The following PRSS23 variants were observed in gnomAD, a reference collection of about 807,000 sequenced individuals.
PRSS23 encodes the protein serine protease 23.
In PRSS23, 25 loss-of-function variants were observed where a neutral mutation model predicts 34.7. The observed-to-expected ratio is 0.72, with a 90% CI of 0.53 to 1.01. The LOEUF (loss-of-function observed/expected upper bound fraction) is 1.01. Among genes scored for constraint, PRSS23 ranks in the 50% least tolerant of loss-of-function variants. The probability of loss-of-function intolerance (pLI) is 0.00; values close to 1 mark genes in which losing one functional copy is unlikely to be tolerated. For synonymous variants in PRSS23, 176 were observed against 186.6 expected (o/e 0.94, Z 0.46); for missense variants, 445 against 475.6 (o/e 0.94, Z 0.60).
intron 2 of PRSS23, among the ~76,000 whole-genome samples, chr11:86,890,160 A>G (rs1948831854): frequency 6.6e-6 from 1 of 151,976 alleles, no homozygotes; most frequent in Admixed American, 6.5e-5. Context: ...AATCCTAGCT[A>G]CTCAGAGGCT....
At chr11:86,904,777 G>A (rs760100680) in intron 2 of PRSS23, among the ~76,000 whole-genome samples, 6 of 152,098 alleles carry the variant, frequency 3.9e-5, no homozygotes, top group Non-Finnish European at 7.4e-5. Flanking sequence ...GCCAGATATG[G>A]TGGCTCATGC....
At chr11:86,811,365 C>T (rs1157280850), downstream of PRSS23, 1 of 154,518 alleles carries the variant, frequency 6.5e-6, no homozygotes, top group Non-Finnish European at 1.5e-5. Flanking sequence ...GGTCAGGTGT[C>T]TGTGCCTTTA....
chr11:86,862,087 A>G (rs1054000932), intron 2 of PRSS23, among the ~76,000 whole-genome samples: 2 of 151,772 alleles, frequency 1.3e-5, no homozygotes, highest in Non-Finnish European at 2.9e-5. Context: ...ATTACTCGCA[A>G]TATCGCAGGG....
intron 2 of PRSS23, among the ~76,000 whole-genome samples, chr11:86,902,673 AAGAC>A (rs1296974199): frequency 6.6e-6 from 1 of 152,194 alleles, no homozygotes; most frequent in Admixed American, 6.5e-5. Context: ...TTTTTCTAGA[AAGAC>A]AGTTTAAAAA....
rs930853301 is a variant in PRSS23 at position 86,871,703 on chromosome 11, T to C, written c.206+48110T>C. ...TTGCCTCATATATTTTATTCCATTT[T>C]GTTGTCATTGATAGTGGGAGGAGAA... On this transcript the variant is annotated intron_variant, in intron 2 of 2. Transcript: ENST00000533902. 1.5e-4 allele frequency among the ~76,000 whole-genome samples: 23 copies of C among 152,224 alleles called. 1 individual carries two copies. Among genetic ancestry groups the C allele is most frequent in the Admixed American group, 1.4e-3 (21 of 15,280 alleles).
downstream of PRSS23, among the ~76,000 whole-genome samples, chr11:86,811,736 G>C (rs1354472184): frequency 1.3e-5 from 2 of 152,026 alleles, no homozygotes; most frequent in Non-Finnish European, 2.9e-5. Flanking sequence ...GTGATGCCTG[G>C]ATCATGTATT....
At chr11:86,841,899 A>G (rs1300178130) in intron 2 of PRSS23, among the ~76,000 whole-genome samples, 2 of 152,262 alleles carry the variant, frequency 1.3e-5, no homozygotes, top group South Asian at 2.1e-4. Flanking sequence ...TCCAATCAAC[A>G]GAAAAAGAGA....
intron 2 of PRSS23, among the ~76,000 whole-genome samples, chr11:86,855,560 A>G (rs1305969016): frequency 2.0e-5 from 3 of 152,098 alleles, no homozygotes; most frequent in African/African-American, 7.2e-5. Flanking sequence ...TAGAGGCATG[A>G]TCTTGGCTCA....
chr11:86,823,421 C>T (rs1037766189), exon 2 of PRSS23: 5 of 702,310 alleles, frequency 7.1e-6, no homozygotes, highest in Admixed American at 2.0e-5. Context: ...CCAACCCTGG[C>T]CTAGTCCTCA....
upstream of PRSS23, among the ~76,000 whole-genome samples, chr11:86,796,418 G>A (rs1270915424): frequency 6.6e-6 from 1 of 151,974 alleles, no homozygotes; most frequent in African/African-American, 2.4e-5. Context: ...GAGGCGGGCG[G>A]ATCACGAGGT....
intron 2 of PRSS23, among the ~76,000 whole-genome samples, chr11:86,932,241 T>C (rs898552637): frequency 3.9e-5 from 6 of 152,320 alleles, no homozygotes; most frequent in African/African-American, 1.4e-4. Context: ...GGGCAGGAGC[T>C]GCTTTTGCCA....
intron 2 of PRSS23, among the ~76,000 whole-genome samples, chr11:86,927,451 C>T (rs1949089125): frequency 6.6e-6 from 1 of 152,164 alleles, no homozygotes; most frequent in Non-Finnish European, 1.5e-5. Context: ...TGTAAACTAG[C>T]CCAACAGTAA....
At chr11:86,924,071 G>T (rs112729009) in intron 2 of PRSS23, among the ~76,000 whole-genome samples, 100 of 152,308 alleles carry the variant, frequency 6.6e-4, no homozygotes, top group African/African-American at 2.2e-3. Context: ...TAAATGTAGG[G>T]AGGCTTCTAA....
downstream of PRSS23, among the ~76,000 whole-genome samples, chr11:86,816,227 T>A (rs1293362327): frequency 6.6e-6 from 1 of 152,172 alleles, no homozygotes; most frequent in Non-Finnish European, 1.5e-5. Flanking sequence ...AATCATTCAG[T>A]TATTCATTCA....
chr11:86,874,658 C>G (rs190878011), intron 2 of PRSS23, among the ~76,000 whole-genome samples: 5 of 152,350 alleles, frequency 3.3e-5, no homozygotes, highest in Admixed American at 2.6e-4. Flanking sequence ...CTACAGTTAC[C>G]TATTGACTTA....
chr11:86,868,789 A>G (rs1289767255), intron 2 of PRSS23, among the ~76,000 whole-genome samples: 1 of 152,080 alleles, frequency 6.6e-6, no homozygotes, highest in Non-Finnish European at 1.5e-5. Context: ...TTTCTCTGTC[A>G]CTTCCCAACT....
intron 2 of PRSS23, among the ~76,000 whole-genome samples, chr11:86,832,375 C>T (rs369720303): frequency 1.3e-4 from 20 of 152,072 alleles, no homozygotes; most frequent in East Asian, 5.8e-4. Context: ...CATGTGTGTA[C>T]ACTCTGTGAT....
At chr11:86,927,174 G>C (rs932571973) in intron 2 of PRSS23, among the ~76,000 whole-genome samples, 20 of 152,206 alleles carry the variant, frequency 1.3e-4, no homozygotes, top group African/African-American at 4.8e-4. Context: ...GTGGTGCAGA[G>C]AGGAGGAGAG....
At chr11:86,875,168 G>GACC (rs948663785) in intron 2 of PRSS23, among the ~76,000 whole-genome samples, 5 of 152,180 alleles carry the variant, frequency 3.3e-5, no homozygotes, top group African/African-American at 1.2e-4. Flanking sequence ...AGGGGATCTA[G>GACC]ACCCCACCTT....
Sources: allele counts gnomAD v4.1 joint callset (sites outside exome capture counted in the v4.1 genomes callset), GRCh38; gene constraint gnomAD v4.1.1; transcripts MANE v1.5; gene names NCBI Gene and HGNC (gene_info 2026-07-23, HGNC 2026-07-21).